The following SYT14 variants were observed in gnomAD, a reference collection of about 807,000 sequenced individuals.
The protein encoded by SYT14 is synaptotagmin-14.
In SYT14, 32 loss-of-function variants were observed where a neutral mutation model predicts 74.2. The ratio of observed to expected loss-of-function variants is 0.43; its 90% confidence interval spans 0.33 to 0.58. The LOEUF is 0.58. Among genes scored for constraint, SYT14 ranks in the 20% least tolerant of loss-of-function variants. The pLI is 0.05. For missense variants in SYT14, 791 were observed against 981.8 expected (o/e 0.81, Z 2.60); for synonymous variants, 298 against 337.7 (o/e 0.88, Z 1.29).
chr1:210,075,342 G>GT (rs33985042), intron 5 of SYT14, among the ~76,000 whole-genome samples: 30,258 of 127,538 alleles, frequency 0.24, 5,726 homozygotes, highest in African/African-American at 0.51. Context: ...TCGAGGGTTT[G>GT]TTTTTTTTTT....
At chr1:210,119,729 C>A (rs1427983163) in intron 7 of SYT14, among the ~76,000 whole-genome samples, 1 of 152,106 alleles carries the variant, frequency 6.6e-6, no homozygotes, top group Non-Finnish European at 1.5e-5. Flanking sequence ...TGTTTGTATT[C>A]CCGGAGCTCC....
chr1:210,049,710 C>T (rs530238215), intron 5 of SYT14, among the ~76,000 whole-genome samples: 1 of 152,256 alleles, frequency 6.6e-6, no homozygotes, highest in Admixed American at 6.5e-5. Flanking sequence ...TGCCCAAACA[C>T]CAGTTCTTGA....
In SYT14 at chr1:210,013,614, T is replaced by G. The variant is rs1401108538; in HGVS notation, c.-485-19T>G. ...AAAGAAAAATAAATGCTTACAGCTG[T>G]GACTTTTTTTTTCTCTAGTATCTCC... On this transcript the variant is annotated intron_variant, in intron 2 of 9. Coordinates refer to ENST00000637265, the Ensembl canonical transcript of SYT14. 4 of 1,608,222 alleles carry G rather than the reference T, an allele frequency of 2.5e-6. No individual in the cohort carries two copies. The highest frequency in any genetic ancestry group is 3.4e-6 in the Non-Finnish European group (4 of 1,178,724).
At chr1:210,036,620 G>T (rs1358176098) in intron 5 of SYT14, among the ~76,000 whole-genome samples, 1 of 151,922 alleles carries the variant, frequency 6.6e-6, no homozygotes, top group African/African-American at 2.4e-5. Flanking sequence ...TATCTGGTTT[G>T]TTGAGAGATT....
chr1:210,159,852 A>G (rs2083338581), intron 9 of SYT14, among the ~76,000 whole-genome samples: 1 of 152,164 alleles, frequency 6.6e-6, no homozygotes, highest in Admixed American at 6.5e-5. Context: ...GAGTCTAAAA[A>G]ACTTGAAAAC....
intron 5 of SYT14, among the ~76,000 whole-genome samples, chr1:210,076,770 CCAAATCTCATGATAACTCACT>C (rs1394541864): frequency 6.6e-6 from 1 of 152,034 alleles, no homozygotes; most frequent in Admixed American, 6.6e-5. Context: ...GTTTAAACAG[CCAAATCTCATGATAACTCACT>C]CACTATCACG....
chr1:210,059,494 A>G (rs1029530523), intron 5 of SYT14, among the ~76,000 whole-genome samples: 7 of 148,740 alleles, frequency 4.7e-5, no homozygotes, highest in African/African-American at 1.7e-4. Context: ...AGAGACATGA[A>G]TAGGATTACA....
At chr1:210,103,332 T>C (rs2082103313) in intron 7 of SYT14, among the ~76,000 whole-genome samples, 1 of 151,858 alleles carries the variant, frequency 6.6e-6, no homozygotes, top group Non-Finnish European at 1.5e-5. Context: ...GGGCAGATCA[T>C]GAGGTCAGGA....
chr1:209,949,388 C>T (rs544131941), intron 1 of SYT14, among the ~76,000 whole-genome samples: 2 of 152,018 alleles, frequency 1.3e-5, no homozygotes, highest in African/African-American at 4.8e-5. Context: ...TCCTGGGCAA[C>T]ATAGTGAAAC....
At chr1:209,985,611 C>T (rs535303613) in intron 2 of SYT14, among the ~76,000 whole-genome samples, 7 of 152,364 alleles carry the variant, frequency 4.6e-5, no homozygotes, top group African/African-American at 1.7e-4. Context: ...CTAGGAGTGT[C>T]CCAGTGGGGA....
intron 2 of SYT14, among the ~76,000 whole-genome samples, chr1:209,976,275 A>G (rs1003389061): frequency 2.7e-5 from 4 of 146,384 alleles, no homozygotes; most frequent in African/African-American, 1.0e-4. Context: ...TTGCTTCTCT[A>G]GTTCTTTTAA....
At chr1:210,029,674 A>C (rs2080486683) in intron 5 of SYT14, among the ~76,000 whole-genome samples, 1 of 152,176 alleles carries the variant, frequency 6.6e-6, no homozygotes, top group African/African-American at 2.4e-5. Context: ...TTTATAGTAC[A>C]TTTTGAAATC....
At chr1:210,112,767 C>T (rs572300372) in intron 7 of SYT14, among the ~76,000 whole-genome samples, 26 of 151,278 alleles carry the variant, frequency 1.7e-4, no homozygotes, top group Admixed American at 3.9e-4. Context: ...AGGACCCTTG[C>T]GTAGTGAGGA....
intron 5 of SYT14, among the ~76,000 whole-genome samples, chr1:210,052,321 C>T (rs1393797740): frequency 6.6e-6 from 1 of 151,030 alleles, no homozygotes; most frequent in Non-Finnish European, 1.5e-5. Flanking sequence ...CCCGGGTTCA[C>T]GCCATTCTCT....
At chr1:210,074,959 AG>A (rs1452977557) in intron 5 of SYT14, among the ~76,000 whole-genome samples, 1 of 152,198 alleles carries the variant, frequency 6.6e-6, no homozygotes, top group Non-Finnish European at 1.5e-5. Context: ...TCTGTATCCC[AG>A]GGTTCTTGCC....
intron 5 of SYT14, among the ~76,000 whole-genome samples, chr1:210,088,200 T>G (rs1292761593): frequency 9.7e-6 from 1 of 103,458 alleles, no homozygotes; most frequent in East Asian, 5.8e-4. Context: ...TTACAGTGAG[T>G]TTTTTTTTTT....
At chr1:210,010,487 T>C (rs1389117106) in intron 2 of SYT14, among the ~76,000 whole-genome samples, 1 of 152,232 alleles carries the variant, frequency 6.6e-6, no homozygotes, top group African/African-American at 2.4e-5. Flanking sequence ...AATGTACTTT[T>C]ACTATTTATA....
At chr1:210,069,885 A>T (rs758075430) in intron 5 of SYT14, among the ~76,000 whole-genome samples, 2 of 150,864 alleles carry the variant, frequency 1.3e-5, no homozygotes, top group African/African-American at 2.4e-5. Context: ...AAATTTTTTG[A>T]TGGTTTCTGC....
intron 5 of SYT14, among the ~76,000 whole-genome samples, chr1:210,091,141 T>G (rs2081858507): frequency 6.6e-6 from 1 of 152,168 alleles, no homozygotes; most frequent in African/African-American, 2.4e-5. Flanking sequence ...TTGTGTAACT[T>G]GTGCCTTGGT....
Sources: gnomAD v4.1 joint callset for allele counts (sites outside exome capture counted in the v4.1 genomes callset) on GRCh38, gnomAD v4.1.1 for gene constraint, MANE v1.5 for transcripts, NCBI Gene and HGNC (gene_info 2026-07-23, HGNC 2026-07-21) for gene names.